PER3: variants seen among roughly 807,000 people sequenced by gnomAD.
PER3 encodes period circadian regulator 3.
A neutral mutation model predicts 127.2 loss-of-function variants in PER3; 107 were observed. The ratio of observed to expected loss-of-function variants is 0.84; its 90% CI spans 0.72 to 0.99. The LOEUF is 0.99. Ranked by LOEUF, PER3 falls within the 50% of genes least tolerant of loss-of-function variation. The pLI is 0.00. For synonymous variants in PER3, 618 were observed against 585.8 expected (o/e 1.05, Z -0.79); for missense variants, 1,560 against 1,525.8 (o/e 1.02, Z -0.37).
At chr1:7,805,131 G>A (rs1248986002) in intron 10 of PER3, among the ~76,000 whole-genome samples, 6 of 152,190 alleles carry the variant, frequency 3.9e-5, no homozygotes, top group Non-Finnish European at 1.5e-5. Flanking sequence ...GCCTCCCAAA[G>A]TGCTGGGCTT....
At position 7,807,450 on chromosome 1, in the gene PER3, C is replaced by T. The variant is rs542527474; in HGVS notation, c.1137-1443C>T. Among the ~76,000 whole-genome samples, 11 of 152,248 alleles carry T rather than the reference C, an allele frequency of 7.2e-5. No homozygotes were observed. The South Asian group carries it at 2.3e-3, about 32-fold the overall frequency. On this transcript the variant is annotated intron_variant, in intron 10 of 21. Transcript: ENST00000377532. ...CCTATGATTGTCTTGATAATTTCTGCCTTTGGGAAACTGTTTCAGTTTTTA... is the reference window on the plus strand; with the variant it reads ...CCTATGATTGTCTTGATAATTTCTGTCTTTGGGAAACTGTTTCAGTTTTTA...
At chr1:7,799,217 A>G (rs775726059) in intron 7 of PER3, among the ~76,000 whole-genome samples, 7 of 152,216 alleles carry the variant, frequency 4.6e-5, no homozygotes, top group Non-Finnish European at 7.3e-5. Flanking sequence ...ACAGTCACAC[A>G]ATAAAAACCA....
In PER3 at chr1:7,785,601, G is replaced by A. The variant is rs747194402; in HGVS notation, c.274+15G>A. On this transcript the variant is annotated intron_variant, in intron 3 of 21. Coordinates refer to ENST00000377532, the MANE Select transcript of PER3 (RefSeq NM_001377275.1). ...CAGCGTTCAAGGTAAACAAGCCGGA[G>A]AGAAATTTCATCCTACGAATGCACC... The A allele has an allele frequency of 4.4e-6, 7 of 1,606,812 alleles. No homozygotes were observed. The highest frequency in any genetic ancestry group is 1.1e-5 in the South Asian group (1 of 90,280).
chr1:7,837,425 C>T (rs1427014391), intron 21 of PER3, among the ~76,000 whole-genome samples: 8 of 151,994 alleles, frequency 5.3e-5, no homozygotes, highest in South Asian at 2.1e-4. Context: ...TGTTAGGGTA[C>T]GATAAAGAGT....
intron 7 of PER3, among the ~76,000 whole-genome samples, chr1:7,800,038 A>G (rs1291857371): frequency 1.3e-5 from 2 of 151,994 alleles, no homozygotes; most frequent in East Asian, 1.9e-4. Context: ...TTGGCCTCCT[A>G]AAGTGCTGGG....
At chr1:7,818,684 TAAATTC>T (rs1483100021) in intron 13 of PER3, among the ~76,000 whole-genome samples, 1 of 152,262 alleles carries the variant, frequency 6.6e-6, no homozygotes, top group Admixed American at 6.5e-5. Flanking sequence ...TGTGGCAATT[TAAATTC>T]AAATTCAATA....
intron 5 of PER3, among the ~76,000 whole-genome samples, chr1:7,789,116 G>A (rs2097106293): frequency 7.0e-6 from 1 of 142,920 alleles, no homozygotes; most frequent in African/African-American, 2.7e-5. Flanking sequence ...TATTCTTTGT[G>A]AAGTGTCTCT....
In PER3 at chr1:7,826,473, A is replaced by C. The variant is rs1475651122; in HGVS notation, c.1958-7A>C. 3 of 1,532,104 alleles carry C rather than the reference A, an allele frequency of 2.0e-6. No homozygotes were observed. In the East Asian group the frequency reaches 6.8e-5, roughly 34 times the overall value. 94.9% of individuals were successfully genotyped at this position (1,532,104 alleles called of 1,614,324 possible). A position where few individuals can be genotyped will look rare whatever the true frequency, so the allele number is the denominator to read the frequency against. ...ATTAAAATTAAATATGTCTTCTTCC[A>C]CCTCAGCCAGGGATGCTACCCTCTT... is the stretch of plus-strand genomic sequence containing the variant. On this transcript the variant is annotated splice_polypyrimidine_tract_variant and splice_region_variant and intron_variant, in intron 16 of 21. Transcript: ENST00000377532. The surrounding 1 kb of genome is among the most constrained non-coding windows in gnomAD (Gnocchi z 4.2).
rs929448191 is a variant in PER3, at chr1:7,844,720, C to T, written c.*1965C>T. 6.5e-6 allele frequency: 1 copy of T among 152,800 alleles called. No individual in the cohort carries two copies. The highest frequency in any genetic ancestry group is 2.4e-5 in the African/African-American group (1 of 41,476). The allele number at this position is 152,800 out of a possible 1,614,324, so 9.5% of individuals were successfully genotyped here. A position where few individuals can be genotyped will look rare whatever the true frequency, so the allele number is the denominator to read the frequency against. On this transcript the variant is annotated 3_prime_UTR_variant, in exon 22 of 22. Transcript: ENST00000377532. ...AACTGTCAGAGCATGAGGAGCGCTC[C>T]TCCTGTGGGTGGACGCATTCACGCA...
At chr1:7,822,318 C>T (rs577692474) in intron 16 of PER3, among the ~76,000 whole-genome samples, 22 of 151,084 alleles carry the variant, frequency 1.5e-4, no homozygotes, top group Non-Finnish European at 1.8e-4. Context: ...TGCAGTGGTG[C>T]GATCTCAGCT....
chr1:7,804,311 CTTTT>C (rs79813451), intron 10 of PER3, among the ~76,000 whole-genome samples: 112 of 120,456 alleles, frequency 9.3e-4, no homozygotes, highest in African/African-American at 3.4e-3. Flanking sequence ...TTCTTTCTTT[CTTTT>C]TTTTTTTTTT....
At chr1:7,837,497 A>G (rs1031552238) in intron 21 of PER3, among the ~76,000 whole-genome samples, 2 of 152,180 alleles carry the variant, frequency 1.3e-5, no homozygotes, top group African/African-American at 2.4e-5. Context: ...ATGTATTTCA[A>G]ATATGTCTGC....
At chr1:7,830,885 A>G (rs1318441226) in intron 19 of PER3, among the ~76,000 whole-genome samples, 3 of 152,224 alleles carry the variant, frequency 2.0e-5, no homozygotes, top group African/African-American at 7.2e-5. Context: ...CTTTCAAGTA[A>G]GTCTTGAAGC....
At chr1:7,819,024 AT>A (rs562273059) in intron 13 of PER3, among the ~76,000 whole-genome samples, 1 of 152,174 alleles carries the variant, frequency 6.6e-6, no homozygotes, top group Non-Finnish European at 1.5e-5. Flanking sequence ...TTTGTTGGAA[AT>A]TTTTGTTTCA....
Position 7,797,406 on chromosome 1 carries a change from G to T in PER3, c.645-1119G>T, listed in dbSNP as rs1030542522. On this transcript the variant is annotated intron_variant, in intron 6 of 21. Coordinates refer to ENST00000377532, the MANE Select transcript of PER3 (RefSeq NM_001377275.1). ...TCCCAGTACTTTGGGAGGCCAAGGT[G>T]GGCTGATCACCTGAGGTCAGGAGTT... 4.1e-4 allele frequency among the ~76,000 whole-genome samples: 63 copies of T among 152,276 alleles called. 2 individuals are homozygous for T. The highest frequency in any genetic ancestry group is 1.4e-3 in the South Asian group (7 of 4,828).
chr1:7,795,624 C>T (rs984759824), intron 6 of PER3, among the ~76,000 whole-genome samples: 7 of 152,104 alleles, frequency 4.6e-5, no homozygotes, highest in African/African-American at 9.7e-5. Flanking sequence ...AGGAGTGACA[C>T]GGAGCTGCTG....
At chr1:7,794,813 C>G (rs1356983017) in intron 6 of PER3, among the ~76,000 whole-genome samples, 2 of 151,152 alleles carry the variant, frequency 1.3e-5, no homozygotes, top group Non-Finnish European at 2.9e-5. Context: ...TTTTTATCTT[C>G]TAAATTTGCT....
chr1:7,832,664 T>C (rs1377523091), intron 19 of PER3, among the ~76,000 whole-genome samples: 1 of 152,076 alleles, frequency 6.6e-6, no homozygotes, highest in Non-Finnish European at 1.5e-5. Flanking sequence ...TCATCCACCG[T>C]GTCCAGCCTA....
chr1:7,807,929 CTA>C (rs2097202072), intron 10 of PER3, among the ~76,000 whole-genome samples: 1 of 152,092 alleles, frequency 6.6e-6, no homozygotes, highest in Admixed American at 6.6e-5. Flanking sequence ...AGGTATTCTT[CTA>C]TGTTATAAAA....
Sources: gnomAD v4.1 joint callset for allele counts (sites outside exome capture counted in the v4.1 genomes callset) on GRCh38, gnomAD v4.1.1 for gene constraint, Gnocchi (gnomAD v3.1) non-coding constraint, MANE v1.5 for transcripts, NCBI Gene and HGNC (gene_info 2026-07-23, HGNC 2026-07-21) for gene names.